PNPLA7: variants seen among roughly 807,000 people sequenced by gnomAD.
PNPLA7 encodes the protein patatin like domain 7, lysophospholipase.
Under a neutral mutation model 161.7 loss-of-function variants are expected in PNPLA7, and 153 were observed. That is an observed-to-expected ratio of 0.95 (90% CI 0.83 to 1.08). The LOEUF is 1.08. Among genes scored for constraint, PNPLA7 ranks in the 50% least tolerant of loss-of-function variants. The probability of loss-of-function intolerance (pLI) is 0.00; values close to 1 mark genes in which losing one functional copy is unlikely to be tolerated. For synonymous variants in PNPLA7, 809 were observed against 782.1 expected (o/e 1.03, Z -0.57); for missense variants, 1,739 against 1,856.6 (o/e 0.94, Z 1.16).
chr9:137,496,110 T>A (rs1833042263), intron 18 of PNPLA7, among the ~76,000 whole-genome samples: 1 of 151,510 alleles, frequency 6.6e-6, no homozygotes, highest in Non-Finnish European at 1.5e-5. Flanking sequence ...CACACTGTTT[T>A]TTTTTTTCAG....
intron 21 of PNPLA7, among the ~76,000 whole-genome samples, chr9:137,483,061 G>A (rs143409795): frequency 4.6e-5 from 7 of 152,176 alleles, no homozygotes; most frequent in South Asian, 2.1e-4. Flanking sequence ...TTAGTGAGAC[G>A]GGGTTTCAAC....
chr9:137,479,956 C>A lies in PNPLA7; in HGVS notation c.2580+356G>T, dbSNP rs117880624. The A allele has an allele frequency of 1.3e-5, 12 of 935,108 alleles. No individual in the cohort carries two copies. The East Asian group carries it at 1.3e-3, about 100-fold the overall frequency. The allele number at this position is 935,108 out of a possible 1,614,324, so 57.9% of individuals were successfully genotyped here. A position where few individuals can be genotyped will look rare whatever the true frequency, so the allele number is the denominator to read the frequency against. On this transcript the variant is annotated intron_variant, in intron 23 of 34. Transcript: ENST00000406427. ...GCAGTGAGAGGAACAGGAACGACGCCGACACCTAAGTGCTGTGGAGAAAAG... is the reference window on the plus strand; with the variant it reads ...GCAGTGAGAGGAACAGGAACGACGCAGACACCTAAGTGCTGTGGAGAAAAG...
chr9:137,462,672 G>A lies in PNPLA7; in HGVS notation c.3492+13C>T, dbSNP rs763175109. On this transcript the variant is annotated intron_variant, in intron 30 of 34. Coordinates refer to ENST00000406427, the MANE Select transcript of PNPLA7 (RefSeq NM_001098537.3). Reference sequence around the variant, plus strand: ...GCAGCAGGGACAGCCCAGCCTGCCCGGTAGCACCCCACCTTGACTTTCGTG... The same window carrying A: ...GCAGCAGGGACAGCCCAGCCTGCCCAGTAGCACCCCACCTTGACTTTCGTG... 12 of 1,612,950 alleles carry A rather than the reference G, an allele frequency of 7.4e-6. No individual in the cohort carries two copies. Among genetic ancestry groups the A allele is most frequent in the East Asian group, 4.5e-5 (2 of 44,886 alleles).
Position 137,500,478 on chromosome 9 carries a change from C to T in PNPLA7, c.1757+213G>A, listed in dbSNP as rs946588987. 6.6e-5 allele frequency among the ~76,000 whole-genome samples: 10 copies of T among 152,260 alleles called. No individual in the cohort carries two copies. Among genetic ancestry groups the T allele is most frequent in the African/African-American group, 9.6e-5 (4 of 41,558 alleles). ...GGACCAGACCACAGAGACGGCCGTG[C>T]GAAGCTGATCGCTGCGGGCAGGTGG... is the stretch of plus-strand genomic sequence containing the variant. On this transcript the variant is annotated intron_variant, in intron 16 of 34. Transcript: ENST00000406427. The surrounding 1 kb of genome is among the most constrained non-coding windows in gnomAD (Gnocchi z 5.5).
In PNPLA7 at chr9:137,490,003, C is replaced by T. The variant is rs566855453; in HGVS notation, c.2197+3010G>A. Among the ~76,000 whole-genome samples the T allele has an allele frequency of 1.8e-4, 27 of 152,258 alleles. No individual in the cohort carries two copies. Among genetic ancestry groups the T allele is most frequent in the African/African-American group, 6.3e-4 (26 of 41,516 alleles). ...AAGCTATAAACCTACGGGTCCAAGA[C>T]GAAGAAACCCCAAACAGGACAGATC... On this transcript the variant is annotated intron_variant, in intron 20 of 34. Coordinates refer to ENST00000406427, the MANE Select transcript of PNPLA7 (RefSeq NM_001098537.3). The surrounding 1 kb of genome is among the most constrained non-coding windows in gnomAD (Gnocchi z 4.1).
chr9:137,545,072 C>T (rs1836422402), intron 4 of PNPLA7, among the ~76,000 whole-genome samples: 1 of 152,150 alleles, frequency 6.6e-6, no homozygotes. Context: ...TGTTGAGCAC[C>T]TCCTGGGCCC....
At position 137,518,609 on chromosome 9, in the gene PNPLA7, C is replaced by T. The variant is rs528807335; in HGVS notation, c.1084+1308G>A. ...CTCACTCACTCCACTCTGTCCACTC[C>T]ATCCCCCACTCACTCACTCCACTCT... On this transcript the variant is annotated intron_variant, in intron 11 of 34. Transcript: ENST00000406427. 1.2e-3 allele frequency among the ~76,000 whole-genome samples: 87 copies of T among 75,234 alleles called. 1 individual carries two copies. Among genetic ancestry groups the T allele is most frequent in the African/African-American group, 5.1e-3 (82 of 16,234 alleles). 49.4% of individuals were successfully genotyped at this position (75,234 alleles called of 152,430 possible). A position where few individuals can be genotyped will look rare whatever the true frequency, so the allele number is the denominator to read the frequency against.
intron 15 of PNPLA7, among the ~76,000 whole-genome samples, chr9:137,501,261 C>A (rs1208586125): frequency 6.6e-6 from 1 of 152,186 alleles, no homozygotes; most frequent in African/African-American, 2.4e-5. Flanking sequence ...GAGGGGTGGG[C>A]TCCTGGCCCC....
chr9:137,541,711 GAGC>G lies in PNPLA7; in HGVS notation c.666+928_666+930del, dbSNP rs1201812413. Reference sequence around the variant, plus strand: ...AGGGTCTGGCCCAGCACCCACCCCCGAGCAGCGATTCAAAGGGTGGAATTTAAC... The same window carrying G: ...AGGGTCTGGCCCAGCACCCACCCCCGAGCGATTCAAAGGGTGGAATTTAAC... On this transcript the variant is annotated intron_variant, in intron 7 of 34. Transcript: ENST00000406427. This position sits in a 1 kb window ranked among gnomAD's most constrained non-coding sequence, Gnocchi z 4.4. Among the ~76,000 whole-genome samples the G allele has an allele frequency of 6.6e-6, 1 of 152,194 alleles. No homozygotes were observed. The highest frequency in any genetic ancestry group is 1.5e-5 in the Non-Finnish European group (1 of 68,034).
Position 137,464,163 on chromosome 9 carries a change from G to C in PNPLA7, c.3189C>G (p.Thr1063=), listed in dbSNP as rs147400851. ...CCCGCATGGCCGAGGCTGTGATGTC[G>C]GTGGTGATGGCGAAATAAGGAATCC... The part of the protein sequence containing the change: ...DLWIPYFAIT[T]DITASAMRVH... The change falls in exon 28 of 35, where the codon ACC becomes ACG. Residue 1063 remains threonine (T), a synonymous_variant. Transcript: ENST00000406427. 1.9e-6 allele frequency: 3 copies of C among 1,613,798 alleles called. No individual in the cohort carries two copies. The highest frequency in any genetic ancestry group is 8.5e-7 in the Non-Finnish European group (1 of 1,179,976).
intron 17 of PNPLA7, 23 bp downstream of exon 17, chr9:137,498,091 G>A: frequency 6.2e-7 from 1 of 1,607,194 alleles, no homozygotes; most frequent in Non-Finnish European, 8.5e-7. Context: ...TGGATGCGGA[G>A]TGTGTGGCAC....
At chr9:137,461,766 G>T in intron 32 of PNPLA7, 146 bp from the exon 33 acceptor site, 1 of 1,184,730 alleles carries the variant, frequency 8.4e-7, no homozygotes, top group Non-Finnish European at 1.2e-6. Flanking sequence ...CCGGGGAGAT[G>T]CGCAGTCCTG....
At chr9:137,544,720 T>A (rs1452534710) in intron 4 of PNPLA7, among the ~76,000 whole-genome samples, 2 of 152,186 alleles carry the variant, frequency 1.3e-5, no homozygotes, top group Non-Finnish European at 2.9e-5. Flanking sequence ...CTCGACTCAC[T>A]ACAACCTCCG....
chr9:137,489,523 TA>T (rs919110320), intron 20 of PNPLA7, among the ~76,000 whole-genome samples: 2 of 148,014 alleles, frequency 1.4e-5, no homozygotes, highest in Non-Finnish European at 3.0e-5. Context: ...ACCAGAGGAG[TA>T]AAAACAATCC....
At chr9:137,513,795 T>C (rs995541445) in intron 12 of PNPLA7, among the ~76,000 whole-genome samples, 1 of 152,178 alleles carries the variant, frequency 6.6e-6, no homozygotes, top group Admixed American at 6.5e-5. Flanking sequence ...ACCAGGGACC[T>C]CTACCTACAG....
At chr9:137,498,297 C>T (rs373373511) in intron 16 of PNPLA7, 52 bp from the exon 17 acceptor site, 50 of 1,596,126 alleles carry the variant, frequency 3.1e-5, no homozygotes, top group Admixed American at 8.4e-5. Context: ...CCCTACCCTT[C>T]GCCCAGGGCC....
intron 21 of PNPLA7, among the ~76,000 whole-genome samples, chr9:137,482,120 C>G (rs1450951515): frequency 6.6e-6 from 1 of 152,258 alleles, no homozygotes; most frequent in Non-Finnish European, 1.5e-5. Context: ...CAGCCGAAAC[C>G]TGCTCACTGC....
At chr9:137,498,728 T>C (rs1833207864) in intron 16 of PNPLA7, among the ~76,000 whole-genome samples, 1 of 151,756 alleles carries the variant, frequency 6.6e-6, no homozygotes, top group East Asian at 1.9e-4. Flanking sequence ...GGAACACTGT[T>C]CTCTCCCCGG....
rs1374344385 is a variant in PNPLA7 at position 137,499,054 on chromosome 9, G to A, written c.1758-809C>T. Among the ~76,000 whole-genome samples the A allele has an allele frequency of 3.9e-5, 6 of 152,036 alleles. No homozygotes were observed. Among genetic ancestry groups the A allele is most frequent in the Non-Finnish European group, 7.4e-5 (5 of 67,980 alleles). ...GGCACTTAGAGCCCTGGGGGTGGAG[G>A]AGGAGCCCTGGGATGCTGGCTGGGG... On this transcript the variant is annotated intron_variant, in intron 16 of 34. Transcript: ENST00000406427. The surrounding 1 kb of genome is among the most constrained non-coding windows in gnomAD (Gnocchi z 5.5).
Sources: allele counts gnomAD v4.1 joint callset (sites outside exome capture counted in the v4.1 genomes callset), GRCh38; gene constraint gnomAD v4.1.1; non-coding constraint Gnocchi (gnomAD v3.1); transcripts MANE v1.5; gene names NCBI Gene and HGNC (gene_info 2026-07-23, HGNC 2026-07-21).